FOXM1: variants seen among roughly 807,000 people sequenced by gnomAD.
FOXM1 encodes the protein forkhead box M1.
A neutral mutation model predicts 63.6 loss-of-function variants in FOXM1; 25 were observed. The observed-to-expected ratio is 0.39, with a 90% CI of 0.29 to 0.55. The LOEUF is 0.55. FOXM1 is among the 20% of genes least tolerant of loss of function. The pLI, the probability that FOXM1 is intolerant of heterozygous loss-of-function variation, is 0.60. For synonymous variants in FOXM1, 387 were observed against 376.9 expected (o/e 1.03, Z -0.31); for missense variants, 879 against 958.7 (o/e 0.92, Z 1.10).
rs933980152 is a variant in FOXM1 at position 2,864,082 on chromosome 12, T to C, written c.1266+238A>G. Reference sequence around the variant, plus strand: ...CTAGCCCATCTATCACAATCACTTTTGTCTGAATTCTTACAAGCTCATCAG... The same window carrying C: ...CTAGCCCATCTATCACAATCACTTTCGTCTGAATTCTTACAAGCTCATCAG... On this transcript the variant is annotated intron_variant, in intron 8 of 8. Transcript: ENST00000359843. The surrounding 1 kb of genome is among the most constrained non-coding windows in gnomAD (Gnocchi z 5.1). The C allele has an allele frequency of 9.1e-5, 43 of 474,120 alleles. No homozygotes were observed. Among genetic ancestry groups the C allele is most frequent in the African/African-American group, 7.7e-4 (40 of 52,012 alleles). 29.4% of individuals were successfully genotyped at this position (474,120 alleles called of 1,614,324 possible).
rs764910896 is a variant in FOXM1, at chr12:2,859,426, A to C, written c.1504T>G (p.Trp502Gly). The change falls in exon 9 of 9, where the codon TGG (tryptophan) becomes GGG (glycine). Residue 502 changes from tryptophan to glycine, a missense_variant. By Grantham distance (184) the Trp-to-Gly change is radical (BLOSUM62 -2). Coordinates refer to ENST00000359843, the MANE Select transcript of FOXM1 (RefSeq NM_021953.4). ...PSFKEESSHS[W>G]EDSSQSPTPR... ...GTGGGAGATTGGGACGAATCCTCCCAGGAGTGAGATGATTCCTCTTTGAAA... is the reference window on the plus strand; with the variant it reads ...GTGGGAGATTGGGACGAATCCTCCCCGGAGTGAGATGATTCCTCTTTGAAA... 3.1e-6 allele frequency: 5 copies of C among 1,614,092 alleles called. No individual in the cohort carries two copies. In the South Asian group the frequency reaches 5.5e-5, roughly 18 times the overall value.
rs566448246 is a variant in FOXM1 at position 2,865,801 on chromosome 12, C to T, written c.976-402G>A. Among the ~76,000 whole-genome samples the T allele has an allele frequency of 1.1e-4, 16 of 151,942 alleles. No individual in the cohort carries two copies. The East Asian group carries it at 2.7e-3, about 26-fold the overall frequency. ...CCAAGTAGCTGGGATTACAGGCATG[C>T]GCCACCACACCCAGCTAATTTTTGT... On this transcript the variant is annotated intron_variant, in intron 5 of 8. Coordinates refer to ENST00000359843, the MANE Select transcript of FOXM1 (RefSeq NM_021953.4).
intron 3 of FOXM1, among the ~76,000 whole-genome samples, chr12:2,869,873 C>T (rs1170211347): frequency 2.0e-5 from 3 of 150,552 alleles, no homozygotes; most frequent in African/African-American, 4.9e-5. Flanking sequence ...AATTGTCAGC[C>T]GCTATGCCCG....
intron 1 of FOXM1, 65 bp downstream of exon 1, chr12:2,876,855 C>T (rs1363334009): frequency 1.3e-5 from 2 of 152,852 alleles, no homozygotes; most frequent in Non-Finnish European, 2.9e-5. Context: ...CCTCCGCGCC[C>T]GGAGGCCTTG....
At position 2,864,124 on chromosome 12, in the gene FOXM1, T is replaced by C. The variant is rs771915170; in HGVS notation, c.1266+196A>G. 1.8e-6 allele frequency: 1 copy of C among 570,810 alleles called. No individual in the cohort carries two copies. The highest frequency in any genetic ancestry group is 2.9e-5 in the Admixed American group (1 of 33,926). The allele number at this position is 570,810 out of a possible 1,614,324, so 35.4% of individuals were successfully genotyped here. On this transcript the variant is annotated intron_variant, in intron 8 of 8. Transcript: ENST00000359843. This position sits in a 1 kb window ranked among gnomAD's most constrained non-coding sequence, Gnocchi z 5.1. ...GCTCATCAGGTATTTATGGGCCTTC[T>C]GACACCACTTACATTGTAATCCAAA...
intron 2 of FOXM1, among the ~76,000 whole-genome samples, chr12:2,873,268 G>A (rs1341183521): frequency 6.6e-6 from 1 of 151,560 alleles, no homozygotes; most frequent in Non-Finnish European, 1.5e-5. Context: ...GTGTGGTGGC[G>A]GGTGCCTGTA....
Position 2,869,204 on chromosome 12 carries a change from A to G in FOXM1, c.655-450T>C, listed in dbSNP as rs184484748. On this transcript the variant is annotated intron_variant, in intron 3 of 8. Transcript: ENST00000359843. ...GTATGAGAGAAACATTCTCAAGACT[A>G]TGAGTCAGACAATGTCTGCAAAGCA... 2.6e-5 allele frequency among the ~76,000 whole-genome samples: 4 copies of G among 152,342 alleles called. No homozygotes were observed. In the East Asian group the frequency reaches 5.8e-4, roughly 22 times the overall value.
chr12:2,867,594 G>A (rs1411451906), intron 4 of FOXM1, among the ~76,000 whole-genome samples: 17 of 150,606 alleles, frequency 1.1e-4, no homozygotes, highest in East Asian at 5.9e-4. Context: ...CCCAGGAGGC[G>A]GAGCTTGCAG....
Position 2,874,145 on chromosome 12 carries a change from C to T in FOXM1, c.334G>A (p.Gly112Arg). The T allele has an allele frequency of 6.2e-7, 1 of 1,614,148 alleles. No homozygotes were observed. The highest frequency in any genetic ancestry group is 8.5e-7 in the Non-Finnish European group (1 of 1,180,044). Residue 112 changes from glycine to arginine, a missense_variant, in exon 2 of 9, where the codon GGG becomes AGG. Around this residue, in one of 4 missense-constraint regions of FOXM1, gnomAD observed 255 missense variants for 292.4 expected, o/e 0.87. Coordinates refer to ENST00000359843, the MANE Select transcript of FOXM1 (RefSeq NM_021953.4). The surrounding 1 kb of genome is among the most constrained non-coding windows in gnomAD (Gnocchi z 4.3). ...GPNKFILISC[G>R]GAPTQPPGLR... ...CCTGGAGGCTGAGTTGGGGCTCCCCCACAGCTGATGAGGATGAATTTGTTG... is the reference window on the plus strand; with the variant it reads ...CCTGGAGGCTGAGTTGGGGCTCCCCTACAGCTGATGAGGATGAATTTGTTG...
intron 2 of FOXM1, among the ~76,000 whole-genome samples, chr12:2,873,530 TAGTG>T (rs1207610768): frequency 6.6e-6 from 1 of 151,456 alleles, no homozygotes; most frequent in Non-Finnish European, 1.5e-5. Context: ...CTGGGCAACA[TAGTG>T]AGACCCCTTC....
intron 8 of FOXM1, among the ~76,000 whole-genome samples, chr12:2,863,346 C>CTAA (rs1012606462): frequency 1.3e-5 from 2 of 152,160 alleles, no homozygotes; most frequent in Non-Finnish European, 2.9e-5. Context: ...TGGCACTGCC[C>CTAA]ATTAGCATGC....
rs1364187816 is a variant in FOXM1 at position 2,859,284 on chromosome 12, T to A, written c.1646A>T (p.His549Leu). 1 of 1,613,522 alleles carries A rather than the reference T, an allele frequency of 6.2e-7. No individual in the cohort carries two copies. The highest frequency in any genetic ancestry group is 8.5e-7 in the Non-Finnish European group (1 of 1,179,984). The change falls in exon 9 of 9, where the codon CAT (histidine) becomes CTT (leucine). Residue 549 changes from histidine to leucine, a missense_variant. Transcript: ENST00000359843. ...CTCATCCACACAGGGAGGCAGTAGA[T>A]GCTGTTTTCTCCGAGACCGGCTCCT... ...RERSRSRRKQHLLPPCVDEPE... is the reference protein window; with the variant it reads ...RERSRSRRKQLLLPPCVDEPE...
Position 2,867,207 on chromosome 12 carries a change from G to A in FOXM1, c.847-686C>T, listed in dbSNP as rs548763130. ...AGGCTGGGTGTGGTGGCTCACGCCTGTAATCACAGTGCACTGAGAGGCTAA... is the reference window on the plus strand; with the variant it reads ...AGGCTGGGTGTGGTGGCTCACGCCTATAATCACAGTGCACTGAGAGGCTAA... On this transcript the variant is annotated intron_variant, in intron 4 of 8. Transcript: ENST00000359843. 1.9e-4 allele frequency among the ~76,000 whole-genome samples: 29 copies of A among 151,998 alleles called. 1 individual carries two copies. Among genetic ancestry groups the A allele is most frequent in the Middle Eastern group, 6.8e-3 (2 of 294 alleles).
chr12:2,864,099 G>A lies in FOXM1; in HGVS notation c.1266+221C>T. On this transcript the variant is annotated intron_variant, in intron 8 of 8. Coordinates refer to ENST00000359843, the MANE Select transcript of FOXM1 (RefSeq NM_021953.4). The surrounding 1 kb of genome is among the most constrained non-coding windows in gnomAD (Gnocchi z 5.1). The stretch of plus-strand genomic sequence containing the variant: ...ATCACTTTTGTCTGAATTCTTACAA[G>A]CTCATCAGGTATTTATGGGCCTTCT... The A allele has an allele frequency of 2.0e-6, 1 of 509,798 alleles. No individual in the cohort carries two copies. Among genetic ancestry groups the A allele is most frequent in the Non-Finnish European group, 3.5e-6 (1 of 285,472 alleles). 31.6% of individuals were successfully genotyped at this position (509,798 alleles called of 1,614,324 possible). A position where few individuals can be genotyped will look rare whatever the true frequency, so the allele number is the denominator to read the frequency against.
In FOXM1 at chr12:2,874,586, T is replaced by G; in HGVS notation, c.-47-61A>C. On this transcript the variant is annotated intron_variant, in intron 1 of 8. Transcript: ENST00000359843. This position sits in a 1 kb window ranked among gnomAD's most constrained non-coding sequence, Gnocchi z 4.3. ...TGTTTAGGCTGAGAAGAGGTCCTTT[T>G]AGAGAAAGGTGCTCCTCTTTATATG... The G allele has an allele frequency of 8.7e-7, 1 of 1,149,946 alleles. No homozygotes were observed. The highest frequency in any genetic ancestry group is 1.5e-5 in the South Asian group (1 of 66,394). 71.2% of individuals were successfully genotyped at this position (1,149,946 alleles called of 1,614,324 possible). A position where few individuals can be genotyped will look rare whatever the true frequency, so the allele number is the denominator to read the frequency against.
In FOXM1 at chr12:2,859,558, T is replaced by A; in HGVS notation, c.1372A>T (p.Thr458Ser). ...EGFSPLLPVQ[T>S]IKEEEIQPGE... ...GGCTGGATTTCTTCCTCCTTGATAG[T>A]CTGAACTGGAAGCAAAGGAGAAAAC... Residue 458 changes from threonine (T) to serine (S), a missense_variant, in exon 9 of 9, where the codon ACT (threonine) becomes TCT (serine). This residue lies in a region of FOXM1 where 486 missense variants were observed against 453.5 expected (regional missense o/e 1.07). Transcript: ENST00000359843. 6.2e-7 allele frequency: 1 copy of A among 1,614,058 alleles called. No individual in the cohort carries two copies. The highest frequency in any genetic ancestry group is 8.5e-7 in the Non-Finnish European group (1 of 1,179,978).
rs2098118733 is a variant in FOXM1, at chr12:2,864,026, C to CATT, written c.1266+293_1266+294insAAT. 1 of 294,428 alleles carries CATT rather than the reference C, an allele frequency of 3.4e-6. No individual in the cohort carries two copies. The highest frequency in any genetic ancestry group is 2.1e-5 in the African/African-American group (1 of 46,810). The allele number at this position is 294,428 out of a possible 1,614,324, so 18.2% of individuals were successfully genotyped here. A position where few individuals can be genotyped will look rare whatever the true frequency, so the allele number is the denominator to read the frequency against. ...GGCCAAATCCATCTCTTTCTAAGGC[C>CATT]TGCCTCCCTTGTGTATCTTCCTTAA... is the stretch of plus-strand genomic sequence containing the variant. On this transcript the variant is annotated intron_variant, in intron 8 of 8. Transcript: ENST00000359843. The surrounding 1 kb of genome is among the most constrained non-coding windows in gnomAD (Gnocchi z 5.1).
At chr12:2,863,303 A>AGTTAGT in intron 8 of FOXM1, among the ~76,000 whole-genome samples, 1 of 152,326 alleles carries the variant, frequency 6.6e-6, no homozygotes, top group East Asian at 1.9e-4. Context: ...TCACTTTACT[A>AGTTAGT]CTGCCAGGTA....
intron 3 of FOXM1, among the ~76,000 whole-genome samples, chr12:2,869,604 T>A (rs2098129394): frequency 6.6e-6 from 1 of 151,912 alleles, no homozygotes; most frequent in African/African-American, 2.4e-5. Flanking sequence ...CCCAGCTACT[T>A]TTTTTGTATT....
Sources: gnomAD v4.1 joint callset for allele counts (sites outside exome capture counted in the v4.1 genomes callset) on GRCh38, gnomAD v4.1.1 for gene constraint, gnomAD v4.1.1 regional missense constraint, Gnocchi (gnomAD v3.1) non-coding constraint, MANE v1.5 for transcripts, NCBI Gene and HGNC (gene_info 2026-07-23, HGNC 2026-07-21) for gene names.